The following NRXN1 variants were observed in gnomAD, a reference collection of about 807,000 sequenced individuals.
NRXN1 encodes the protein neurexin-1.
Under a neutral mutation model 150.9 loss-of-function variants are expected in NRXN1, and 39 were observed. The observed-to-expected ratio is 0.26, with a 90% confidence interval of 0.20 to 0.34. NRXN1 has a LOEUF of 0.34. NRXN1 is among the 10% of genes least tolerant of loss of function. The pLI, the probability that NRXN1 is intolerant of heterozygous loss-of-function variation, is 1.00. For synonymous variants in NRXN1, 924 were observed against 757.0 expected, an observed-to-expected ratio of 1.22 and a Z score of -3.62; for missense variants, 1,815 against 1,949.9, an observed-to-expected ratio of 0.93 and a Z score of 1.30.
At chr2:50,937,922 C>G (rs1688787942) in intron 2 of NRXN1, among the ~76,000 whole-genome samples, 2 of 152,228 alleles carry the variant, frequency 1.3e-5, no homozygotes, top group Admixed American at 1.3e-4. Flanking sequence ...GATGGTATGG[C>G]CTACTACACA....
At chr2:50,796,886 A>G (rs1388102080) in intron 5 of NRXN1, among the ~76,000 whole-genome samples, 1 of 152,148 alleles carries the variant, frequency 6.6e-6, no homozygotes. Context: ...AAACTAGGAA[A>G]TCCAAGATCA....
intron 18 of NRXN1, among the ~76,000 whole-genome samples, chr2:50,167,957 A>T (rs935386083): frequency 1.3e-5 from 2 of 152,230 alleles, no homozygotes; most frequent in South Asian, 2.1e-4. Flanking sequence ...GAAGTAAAAT[A>T]TCCATGCATA....
intron 5 of NRXN1, among the ~76,000 whole-genome samples, chr2:50,658,077 C>A (rs1374583039): frequency 6.6e-6 from 1 of 152,016 alleles, no homozygotes; most frequent in Non-Finnish European, 1.5e-5. Flanking sequence ...GTGCTCTCAG[C>A]AGATCTTAGA....
At chr2:50,356,050 T>C (rs992149465) in intron 17 of NRXN1, among the ~76,000 whole-genome samples, 1 of 151,770 alleles carries the variant, frequency 6.6e-6, no homozygotes, top group African/African-American at 2.4e-5. Context: ...CAGATGTCTT[T>C]CTTTTCCATA....
intron 15 of NRXN1, among the ~76,000 whole-genome samples, chr2:50,481,760 CTTTTTTTTTTT>C (rs758265489): frequency 1.2e-5 from 1 of 82,958 alleles, no homozygotes; most frequent in Non-Finnish European, 2.0e-5. Flanking sequence ...ACTTTTGTTT[CTTTTTTTTTTT>C]TTTTTTTTTT....
chr2:50,688,258 C>T (rs1391822408), intron 5 of NRXN1, among the ~76,000 whole-genome samples: 1 of 152,150 alleles, frequency 6.6e-6, no homozygotes, highest in East Asian at 1.9e-4. Context: ...TCCCCAAGTG[C>T]TTGTGGCATC....
chr2:50,942,882 T>G (rs1215572129), intron 2 of NRXN1, among the ~76,000 whole-genome samples: 1 of 151,912 alleles, frequency 6.6e-6, no homozygotes, highest in Non-Finnish European at 1.5e-5. Context: ...GAAAGAGACA[T>G]GAGATTTGGT....
At chr2:50,391,147 G>A (rs2081661935) in intron 17 of NRXN1, among the ~76,000 whole-genome samples, 1 of 152,008 alleles carries the variant, frequency 6.6e-6, no homozygotes, top group Non-Finnish European at 1.5e-5. Flanking sequence ...TTGGGAGTGA[G>A]GCAGGGCAGA....
At chr2:49,948,801 T>C (rs942215704) in intron 21 of NRXN1, among the ~76,000 whole-genome samples, 1 of 151,954 alleles carries the variant, frequency 6.6e-6, no homozygotes, top group Non-Finnish European at 1.5e-5. Context: ...CTGATGTTTA[T>C]AACCTTTTTG....
At chr2:50,990,668 C>T (rs566889583) in intron 2 of NRXN1, among the ~76,000 whole-genome samples, 1 of 152,114 alleles carries the variant, frequency 6.6e-6, no homozygotes, top group Admixed American at 6.6e-5. Flanking sequence ...TTTGGGCCTA[C>T]ATTCATCCTC....
chr2:50,904,724 G>C (rs1427766182), intron 5 of NRXN1, among the ~76,000 whole-genome samples: 1 of 152,012 alleles, frequency 6.6e-6, no homozygotes, highest in Non-Finnish European at 1.5e-5. Flanking sequence ...TTTTTGCTGA[G>C]TTGAAATAAA....
intron 5 of NRXN1, among the ~76,000 whole-genome samples, chr2:50,703,958 T>C (rs1694098497): frequency 6.6e-6 from 1 of 151,988 alleles, no homozygotes; most frequent in South Asian, 2.1e-4. Flanking sequence ...TAAAATAAAA[T>C]AAAAGCACAA....
intron 18 of NRXN1, among the ~76,000 whole-genome samples, chr2:50,189,222 T>G (rs1338332752): frequency 6.6e-6 from 1 of 152,168 alleles, no homozygotes; most frequent in African/African-American, 2.4e-5. Context: ...TCCAGGGACA[T>G]GGATGGAGCT....
rs542834826 is a variant in NRXN1 at position 50,303,332 on chromosome 2, G to A, written c.3365-66362C>T. Among the ~76,000 whole-genome samples, 6 of 152,262 alleles carry A rather than the reference G, an allele frequency of 3.9e-5. No individual in the cohort carries two copies. The South Asian group carries it at 1.2e-3, about 32-fold the overall frequency. ...AAGAATGTTACTTAGAATGATGAGC[G>A]TCTGATAAAACTATGGCTATGCTCT... On this transcript the variant is annotated intron_variant, in intron 17 of 22. Coordinates refer to ENST00000401669, the MANE Select transcript of NRXN1 (RefSeq NM_001330078.2).
chr2:50,852,956 C>T (rs541475782), intron 5 of NRXN1, among the ~76,000 whole-genome samples: 5 of 152,238 alleles, frequency 3.3e-5, no homozygotes, highest in Non-Finnish European at 5.9e-5. Flanking sequence ...AAGAAGCAGA[C>T]AGCTGTTAAT....
At chr2:50,214,000 C>T (rs1170451045) in intron 18 of NRXN1, among the ~76,000 whole-genome samples, 2 of 151,878 alleles carry the variant, frequency 1.3e-5, no homozygotes. Context: ...ATGCTGATTA[C>T]TAAATTGTAA....
At chr2:50,136,216 TC>T (rs1240303580) in intron 18 of NRXN1, among the ~76,000 whole-genome samples, 1 of 152,180 alleles carries the variant, frequency 6.6e-6, no homozygotes, top group Non-Finnish European at 1.5e-5. Flanking sequence ...TCATTTTTTT[TC>T]AGGAAGTAGT....
chr2:50,891,440 T>C (rs1681053202), intron 5 of NRXN1, among the ~76,000 whole-genome samples: 1 of 152,090 alleles, frequency 6.6e-6, no homozygotes, highest in African/African-American at 2.4e-5. Context: ...GGAATTGTTC[T>C]GTTTATACTT....
Position 49,921,300 on chromosome 2 carries a change from T to C in NRXN1, c.*644A>G, listed in dbSNP as rs765834293. 6.6e-6 allele frequency: 1 copy of C among 152,628 alleles called. No individual in the cohort carries two copies. Among genetic ancestry groups the C allele is most frequent in the Non-Finnish European group, 1.5e-5 (1 of 68,050 alleles). 9.5% of individuals were successfully genotyped at this position (152,628 alleles called of 1,614,324 possible). ...ATTTTGTGTGAAAACGTGCCTTATA[T>C]TTCACATTTTTGAAAATAAGGCCTC... On this transcript the variant is annotated 3_prime_UTR_variant, in exon 23 of 23. Transcript: ENST00000401669.
Sources: allele counts gnomAD v4.1 joint callset (sites outside exome capture counted in the v4.1 genomes callset), GRCh38; gene constraint gnomAD v4.1.1; transcripts MANE v1.5; gene names NCBI Gene and HGNC (gene_info 2026-07-23, HGNC 2026-07-21).